Variants in MYO16 observed in about 807,000 individuals in gnomAD.
The protein encoded by MYO16 is myosin XVI.
A neutral mutation model predicts 205.3 loss-of-function variants in MYO16; 94 were observed. The observed-to-expected ratio is 0.46, with a 90% confidence interval of 0.39 to 0.54. The LOEUF (loss-of-function observed/expected upper bound fraction) is 0.54. Ranked by LOEUF, MYO16 falls within the 20% of genes least tolerant of loss-of-function variation. MYO16 has a pLI of 0.00. For missense variants in MYO16, 2,315 were observed against 2,387.5 expected, an observed-to-expected ratio of 0.97 and a Z score of 0.63; for synonymous variants, 988 against 954.0, an observed-to-expected ratio of 1.04 and a Z score of -0.66.
intron 28 of MYO16, among the ~76,000 whole-genome samples, chr13:109,115,549 C>G (rs1028323156): frequency 2.0e-5 from 3 of 152,118 alleles, no homozygotes. Context: ...GAGAAACATT[C>G]TTTGATGTGA....
chr13:108,717,165 G>A (rs1361631322), intron 3 of MYO16, among the ~76,000 whole-genome samples: 3 of 152,048 alleles, frequency 2.0e-5, no homozygotes, highest in Admixed American at 6.6e-5. Context: ...ACCTTTATTC[G>A]ATGAGCAATT....
At chr13:109,098,825 A>G (rs763180242) in intron 27 of MYO16, among the ~76,000 whole-genome samples, 30 of 152,230 alleles carry the variant, frequency 2.0e-4, no homozygotes, top group Non-Finnish European at 4.1e-4. Flanking sequence ...CTTTTGTCAT[A>G]CATCATAATC....
the MYO16 span, among the ~76,000 whole-genome samples, chr13:108,569,694 G>A: frequency 1.3e-5 from 2 of 151,996 alleles, no homozygotes; most frequent in Non-Finnish European, 2.9e-5. Flanking sequence ...GAATAGATGT[G>A]GTAAAAGCAG....
At chr13:109,060,002 A>T (rs1340069055) in intron 27 of MYO16, among the ~76,000 whole-genome samples, 1 of 152,134 alleles carries the variant, frequency 6.6e-6, no homozygotes, top group Non-Finnish European at 1.5e-5. Flanking sequence ...GCTGGAGAGG[A>T]TGTGGAGAAA....
At position 109,059,144 on chromosome 13, in the gene MYO16, G is replaced by A. The variant is rs1245103885; in HGVS notation, c.3335+3549G>A. Among the ~76,000 whole-genome samples the A allele has an allele frequency of 2.6e-5, 4 of 152,182 alleles. No individual in the cohort carries two copies. In the East Asian group the frequency reaches 7.7e-4, roughly 29 times the overall value. On this transcript the variant is annotated intron_variant, in intron 27 of 34. Coordinates refer to ENST00000457511, the MANE Select transcript of MYO16 (RefSeq NM_001198950.3). Reference sequence around the variant, plus strand: ...CCCCTCAAAGTCATTCATGAAGATGGGAATCAATTGCTTCCAAATCCCATT... The same window carrying A: ...CCCCTCAAAGTCATTCATGAAGATGAGAATCAATTGCTTCCAAATCCCATT...
chr13:108,638,234 G>T (rs1159889142), intron 1 of MYO16, among the ~76,000 whole-genome samples: 4 of 152,166 alleles, frequency 2.6e-5, no homozygotes, highest in Non-Finnish European at 5.9e-5. Context: ...AGGCAGGAAT[G>T]AGCATGTTCC....
intron 29 of MYO16, among the ~76,000 whole-genome samples, chr13:109,123,508 C>T (rs1340669861): frequency 6.6e-6 from 1 of 152,054 alleles, no homozygotes; most frequent in African/African-American, 2.4e-5. Flanking sequence ...CTGCCTTTTT[C>T]GCGCTCAAGG....
chr13:108,967,826 A>G (rs1429113131), intron 20 of MYO16, among the ~76,000 whole-genome samples: 1 of 152,176 alleles, frequency 6.6e-6, no homozygotes, highest in African/African-American at 2.4e-5. Flanking sequence ...TGTTAAAACG[A>G]TGACTCTAGG....
At position 108,855,439 on chromosome 13, in the gene MYO16, C is replaced by T; in HGVS notation, c.1249-4C>T. 1 of 1,547,024 alleles carries T rather than the reference C, an allele frequency of 6.5e-7. No homozygotes were observed. Among genetic ancestry groups the T allele is most frequent in the Non-Finnish European group, 8.8e-7 (1 of 1,131,186 alleles). ...AATTGATCATACTTTCGGTTCTTCC[C>T]CAGGTCAAGCTAATGCCTCCTGCCC... On this transcript the variant is annotated splice_region_variant and splice_polypyrimidine_tract_variant and intron_variant, in intron 10 of 34. Coordinates refer to ENST00000457511, the MANE Select transcript of MYO16 (RefSeq NM_001198950.3).
chr13:108,662,813 T>C (rs1244781264), intron 1 of MYO16, among the ~76,000 whole-genome samples: 1 of 152,128 alleles, frequency 6.6e-6, no homozygotes, highest in Non-Finnish European at 1.5e-5. Flanking sequence ...TGTTAAAAAA[T>C]GTTACAAAGT....
chr13:108,661,489 T>C (rs1881499718), intron 1 of MYO16, among the ~76,000 whole-genome samples: 1 of 152,082 alleles, frequency 6.6e-6, no homozygotes. Context: ...TCTTATTCTG[T>C]TTTCTTTGTC....
Position 108,629,788 on chromosome 13 carries a change from G to A in MYO16, c.-57G>A. The A allele has an allele frequency of 1.3e-6, 2 of 1,491,914 alleles. No homozygotes were observed. The highest frequency in any genetic ancestry group is 1.8e-6 in the Non-Finnish European group (2 of 1,109,384). The allele number at this position is 1,491,914 out of a possible 1,614,324, so 92.4% of individuals were successfully genotyped here. On this transcript the variant is annotated 5_prime_UTR_variant, in exon 1 of 35. Coordinates refer to ENST00000457511, the MANE Select transcript of MYO16 (RefSeq NM_001198950.3). ...AGTAATGCATTTCCTGGGAACGACA[G>A]TTGTGACAGAAGAGAATGCTGGAAC...
chr13:109,205,655 A>G (rs780285290), intron 34 of MYO16, among the ~76,000 whole-genome samples: 2 of 152,050 alleles, frequency 1.3e-5, no homozygotes, highest in Non-Finnish European at 2.9e-5. Context: ...TCCAGCTACT[A>G]CAGACTTCTG....
At chr13:108,793,210 C>T (rs181963849) in intron 5 of MYO16, among the ~76,000 whole-genome samples, 2,700 of 149,176 alleles carry the variant, frequency 0.018, 34 homozygotes, top group South Asian at 0.037. Context: ...GGCGTGAACC[C>T]GGGAGGTGGA....
At position 109,006,343 on chromosome 13, in the gene MYO16, G is replaced by T. The variant is rs112617513; in HGVS notation, c.2443-2554G>T. On this transcript the variant is annotated intron_variant, in intron 21 of 34. Transcript: ENST00000457511. ...CAACCTTCGCCTCCCAGGTTCAAGC[G>T]ATTCTCCTGTCTCAGCCTCCTGAGT... 1.5e-4 allele frequency among the ~76,000 whole-genome samples: 23 copies of T among 152,136 alleles called. No homozygotes were observed. The East Asian group carries it at 4.3e-3, about 28-fold the overall frequency.
At chr13:108,801,464 G>A (rs1472841290) in intron 6 of MYO16, among the ~76,000 whole-genome samples, 1 of 152,006 alleles carries the variant, frequency 6.6e-6, no homozygotes, top group Non-Finnish European at 1.5e-5. Flanking sequence ...AAATCACTAC[G>A]GACATATATG....
chr13:108,534,654 C>T, the MYO16 span, among the ~76,000 whole-genome samples: 2 of 152,042 alleles, frequency 1.3e-5, no homozygotes, highest in African/African-American at 4.8e-5. Context: ...GGAATCTCTG[C>T]TCTTCATTGG....
chr13:108,713,637 A>G (rs1375302801), intron 3 of MYO16, among the ~76,000 whole-genome samples: 1 of 152,188 alleles, frequency 6.6e-6, no homozygotes, highest in Non-Finnish European at 1.5e-5. Flanking sequence ...ATTCTAATTT[A>G]TGGCCAACAT....
At chr13:109,023,970 TTCTA>T (rs1017440842) in intron 23 of MYO16, among the ~76,000 whole-genome samples, 1 of 135,310 alleles carries the variant, frequency 7.4e-6, no homozygotes, top group African/African-American at 2.7e-5. Flanking sequence ...TACTATATAT[TTCTA>T]TATGTATATA....
Sources: allele counts gnomAD v4.1 joint callset (sites outside exome capture counted in the v4.1 genomes callset), GRCh38; gene constraint gnomAD v4.1.1; transcripts MANE v1.5; gene names NCBI Gene and HGNC (gene_info 2026-07-23, HGNC 2026-07-21).